Variants in FRMPD1 observed in about 807,000 individuals in gnomAD.
The protein encoded by FRMPD1 is FERM and PDZ domain-containing protein 1.
FRMPD1 carries 76 observed loss-of-function variants against 117.8 expected under a neutral mutation model. The observed-to-expected ratio is 0.65, with a 90% CI of 0.54 to 0.78. The LOEUF is 0.78. Among genes scored for constraint, FRMPD1 ranks in the 30% least tolerant of loss-of-function variants. FRMPD1 has a pLI of 0.00. For synonymous variants in FRMPD1, 783 were observed against 770.4 expected (o/e 1.02, Z -0.27); for missense variants, 1,786 against 1,964.5 (o/e 0.91, Z 1.72).
chr9:37,690,495 T>A (rs986829743), intron 1 of FRMPD1, among the ~76,000 whole-genome samples: 1 of 152,212 alleles, frequency 6.6e-6, no homozygotes, highest in Non-Finnish European at 1.5e-5. Context: ...TAGATATTTA[T>A]TGATAAGTAA....
chr9:37,704,479 A>G (rs943531643), intron 2 of FRMPD1, among the ~76,000 whole-genome samples: 10 of 152,182 alleles, frequency 6.6e-5, no homozygotes, highest in African/African-American at 2.2e-4. Context: ...TTTGGACCGC[A>G]CTGCTCTAGA....
chr9:37,735,830 T>G (rs1824095265), intron 13 of FRMPD1, 96 bp downstream of exon 13: 1 of 788,542 alleles, frequency 1.3e-6, no homozygotes, highest in African/African-American at 1.7e-5. Flanking sequence ...AATAATAAAG[T>G]CTAATGTCCA....
At chr9:37,681,990 C>T (rs1419766336) in intron 1 of FRMPD1, among the ~76,000 whole-genome samples, 1 of 152,116 alleles carries the variant, frequency 6.6e-6, no homozygotes, top group African/African-American at 2.4e-5. Flanking sequence ...ACATGGTAGG[C>T]GGGTGGCCAG....
In FRMPD1 at chr9:37,735,704, CG is replaced by C; in HGVS notation, c.1372del (p.Val458SerfsTer12). On this transcript the variant is annotated frameshift_variant, in exon 13 of 16. Coordinates refer to ENST00000377765, the MANE Select transcript of FRMPD1 (RefSeq NM_014907.3). LOFTEE classifies it high-confidence loss of function. ...TAACGGAAGAGTCTGAGAAAGTGAG[CG>C]TCGTCAAAGTGTATCTTCAGGACGT... The part of the protein sequence containing the change: ...ELTEESEKVS[V>X]VKVYLQDVKV... The C allele has an allele frequency of 1.9e-6, 3 of 1,613,170 alleles. No individual in the cohort carries two copies. Among genetic ancestry groups the C allele is most frequent in the Non-Finnish European group, 2.5e-6 (3 of 1,179,490 alleles).
At chr9:37,717,382 T>TATATATATA (rs1491339188) in intron 5 of FRMPD1, among the ~76,000 whole-genome samples, 1 of 86,584 alleles carries the variant, frequency 1.2e-5, no homozygotes, top group Non-Finnish European at 2.5e-5. Flanking sequence ...TATATATATA[T>TATATATATA]TTTTTTTTTT....
chr9:37,685,487 C>CAA (rs770271962), intron 1 of FRMPD1, among the ~76,000 whole-genome samples: 3 of 139,566 alleles, frequency 2.1e-5, no homozygotes, highest in African/African-American at 2.6e-5. Context: ...ACTAAAAATA[C>CAA]AAAAAAAAAA....
At chr9:37,731,616 A>C (rs993425377) in intron 9 of FRMPD1, among the ~76,000 whole-genome samples, 74 of 152,176 alleles carry the variant, frequency 4.9e-4, no homozygotes, top group African/African-American at 1.7e-3. Flanking sequence ...TCACGCCTGT[A>C]ATGTCAGCAT....
chr9:37,730,307 T>C (rs990563715), intron 8 of FRMPD1, among the ~76,000 whole-genome samples: 3 of 152,198 alleles, frequency 2.0e-5, no homozygotes, highest in African/African-American at 4.8e-5. Flanking sequence ...ACGGTCTATA[T>C]CACTCAATCT....
chr9:37,666,579 G>A (rs998372154), intron 1 of FRMPD1, among the ~76,000 whole-genome samples: 7 of 151,938 alleles, frequency 4.6e-5, no homozygotes, highest in African/African-American at 9.7e-5. Context: ...TGTCCTTCAC[G>A]CTCTGCTCAC....
At chr9:37,729,609 C>G (rs1197260235) in intron 7 of FRMPD1, 119 bp from the exon 8 acceptor site, 6 of 1,016,614 alleles carry the variant, frequency 5.9e-6, no homozygotes, top group African/African-American at 1.6e-5. Context: ...TGGCGTAAGT[C>G]AGCAGTGGGC....
intron 1 of FRMPD1, among the ~76,000 whole-genome samples, chr9:37,675,417 T>TAAAA (rs55853255): frequency 7.3e-6 from 1 of 137,586 alleles, no homozygotes; most frequent in Non-Finnish European, 1.6e-5. Flanking sequence ...TGAGACTGTC[T>TAAAA]AAAAAAAAAA....
the FRMPD1 span, among the ~76,000 whole-genome samples, chr9:37,614,449 C>G: frequency 7.2e-5 from 11 of 152,286 alleles, no homozygotes; most frequent in South Asian, 2.3e-3. Flanking sequence ...CTGCATTGCA[C>G]AAGGGCGTCA....
chr9:37,648,094 G>A (rs186432305), upstream of FRMPD1, among the ~76,000 whole-genome samples: 538 of 152,124 alleles, frequency 3.5e-3, 5 homozygotes, highest in African/African-American at 0.012. Flanking sequence ...ATGCTGTTTC[G>A]TCTCCAGGAA....
At chr9:37,625,290 C>CT in the FRMPD1 span, among the ~76,000 whole-genome samples, 4 of 152,144 alleles carry the variant, frequency 2.6e-5, no homozygotes, top group African/African-American at 9.7e-5. Context: ...TTTTCTTGGT[C>CT]TGATCCTCAG....
intron 5 of FRMPD1, among the ~76,000 whole-genome samples, chr9:37,717,890 C>T (rs1480639884): frequency 2.6e-5 from 4 of 152,170 alleles, no homozygotes; most frequent in African/African-American, 9.7e-5. Flanking sequence ...TCATTCGAAG[C>T]AATCTGATAG....
intron 5 of FRMPD1, among the ~76,000 whole-genome samples, chr9:37,717,302 A>AAT (rs202042365): frequency 1.7e-4 from 25 of 144,852 alleles, no homozygotes; most frequent in African/African-American, 5.7e-4. Flanking sequence ...AGAAAAAAAA[A>AAT]ATATATATAT....
intron 5 of FRMPD1, among the ~76,000 whole-genome samples, chr9:37,713,919 A>C (rs967129737): frequency 9.9e-5 from 15 of 152,252 alleles, no homozygotes; most frequent in African/African-American, 3.6e-4. Flanking sequence ...ATTTGATTAC[A>C]TGAAAATATA....
At chr9:37,613,197 C>T in the FRMPD1 span, among the ~76,000 whole-genome samples, 1 of 152,196 alleles carries the variant, frequency 6.6e-6, no homozygotes, top group African/African-American at 2.4e-5. Flanking sequence ...TAGAGAGCTC[C>T]TGGTGTAAGA....
At position 37,662,283 on chromosome 9, in the gene FRMPD1, T is replaced by C. The variant is rs1821023754; in HGVS notation, c.-5+11189T>C. ...ATTAGTCTGTTCATGAGGGTGGTGC[T>C]CCCATGTTCCAAACATCCCCTATTA... On this transcript the variant is annotated intron_variant, in intron 1 of 15. Transcript: ENST00000377765. 2.6e-5 allele frequency among the ~76,000 whole-genome samples: 4 copies of C among 152,118 alleles called. No homozygotes were observed. In the South Asian group the frequency reaches 8.3e-4, roughly 32 times the overall value.
Sources: allele counts gnomAD v4.1 joint callset (sites outside exome capture counted in the v4.1 genomes callset), GRCh38; gene constraint gnomAD v4.1.1; transcripts MANE v1.5; gene names NCBI Gene and HGNC (gene_info 2026-07-23, HGNC 2026-07-21).